THSD7B: variants seen among roughly 807,000 people sequenced by gnomAD.
THSD7B encodes thrombospondin type 1 domain containing 7B, also known as thrombospondin type-1 domain-containing protein 7B.
In THSD7B, 138 loss-of-function variants were observed where a neutral mutation model predicts 213.6. The ratio of observed to expected loss-of-function variants is 0.65; its 90% CI spans 0.56 to 0.74. THSD7B has a LOEUF of 0.74. THSD7B is among the 30% of genes least tolerant of loss of function. The pLI is 0.00. For synonymous variants in THSD7B, 742 were observed against 687.0 expected, an observed-to-expected ratio of 1.08 and a Z score of -1.25; for missense variants, 1,931 against 1,991.5, an observed-to-expected ratio of 0.97 and a Z score of 0.58.
At chr2:137,524,265 A>T (rs1473001819) in intron 15 of THSD7B, among the ~76,000 whole-genome samples, 1 of 152,094 alleles carries the variant, frequency 6.6e-6, no homozygotes, top group Non-Finnish European at 1.5e-5. Flanking sequence ...CTCCCCAAGC[A>T]AAGAGCTATT....
At chr2:136,832,407 C>T (rs1682772916) in intron 1 of THSD7B, among the ~76,000 whole-genome samples, 1 of 152,116 alleles carries the variant, frequency 6.6e-6, no homozygotes, top group African/African-American at 2.4e-5. Context: ...GATGTCCCAG[C>T]TTATGCATTC....
intron 2 of THSD7B, among the ~76,000 whole-genome samples, chr2:136,898,824 G>C (rs1388561006): frequency 6.6e-6 from 1 of 151,602 alleles, no homozygotes; most frequent in Non-Finnish European, 1.5e-5. Flanking sequence ...TGTAGTTTTG[G>C]TAGAGACAGG....
intron 15 of THSD7B, among the ~76,000 whole-genome samples, chr2:137,514,749 A>G (rs1680035167): frequency 6.6e-6 from 1 of 152,140 alleles, no homozygotes; most frequent in Admixed American, 6.5e-5. Flanking sequence ...CTTGGTGTGA[A>G]CTGTGTAGAG....
intron 20 of THSD7B, among the ~76,000 whole-genome samples, chr2:137,626,450 C>G (rs1193536698): frequency 7.7e-6 from 1 of 130,554 alleles, no homozygotes; most frequent in Admixed American, 8.4e-5. Context: ...GGCAAAAGAG[C>G]GAGACTCTGT....
chr2:137,065,039 C>T (rs545546710), intron 3 of THSD7B, among the ~76,000 whole-genome samples: 3 of 151,388 alleles, frequency 2.0e-5, no homozygotes, highest in Non-Finnish European at 2.9e-5. Context: ...ATTGTTTTTG[C>T]GATTTCTGTG....
chr2:137,362,414 C>G (rs559042336), intron 12 of THSD7B, among the ~76,000 whole-genome samples: 6 of 152,064 alleles, frequency 3.9e-5, no homozygotes, highest in African/African-American at 1.4e-4. Context: ...GGGCTAAATG[C>G]CCCAGTTAAA....
chr2:136,792,404 G>A (rs1193228018), intron 1 of THSD7B, among the ~76,000 whole-genome samples: 3 of 152,014 alleles, frequency 2.0e-5, no homozygotes, highest in African/African-American at 4.8e-5. Flanking sequence ...TATTCTTAGG[G>A]CAGTGTGACT....
At chr2:136,941,726 T>C (rs1014767300) in intron 2 of THSD7B, among the ~76,000 whole-genome samples, 4 of 152,208 alleles carry the variant, frequency 2.6e-5, no homozygotes, top group African/African-American at 9.6e-5. Flanking sequence ...GTTTAAGTTC[T>C]TTGTAGATTC....
At chr2:137,013,399 A>G (rs965479846) in intron 2 of THSD7B, among the ~76,000 whole-genome samples, 6 of 152,144 alleles carry the variant, frequency 3.9e-5, no homozygotes, top group Non-Finnish European at 8.8e-5. Context: ...GGCAAACTTC[A>G]TGAGTTGAGA....
intron 7 of THSD7B, among the ~76,000 whole-genome samples, chr2:137,204,336 C>T (rs777200482): frequency 3.9e-5 from 6 of 152,150 alleles, no homozygotes; most frequent in Admixed American, 1.3e-4. Flanking sequence ...GTTGAGAATG[C>T]GTAGTTATGG....
At chr2:137,202,275 G>A (rs1680893912) in intron 7 of THSD7B, among the ~76,000 whole-genome samples, 1 of 152,080 alleles carries the variant, frequency 6.6e-6, no homozygotes, top group South Asian at 2.1e-4. Context: ...TTGTGAATGT[G>A]ATCTTAAAAA....
At chr2:137,652,857 C>T (rs1447574499) in intron 21 of THSD7B, among the ~76,000 whole-genome samples, 4 of 152,062 alleles carry the variant, frequency 2.6e-5, no homozygotes, top group African/African-American at 9.7e-5. Flanking sequence ...ACTTTGCCCC[C>T]GACATTTTGA....
At chr2:137,218,979 T>C (rs1036396) in intron 7 of THSD7B, among the ~76,000 whole-genome samples, 90,269 of 151,334 alleles carry the variant, frequency 0.6, 27,324 homozygotes, top group South Asian at 0.71. Flanking sequence ...CAACTGAGTT[T>C]GTGAAAAAAA....
chr2:137,597,445 AAAAC>A (rs2104819474), intron 17 of THSD7B, among the ~76,000 whole-genome samples: 1 of 149,344 alleles, frequency 6.7e-6, no homozygotes, highest in East Asian at 2.0e-4. Context: ...GGGCAAAAGA[AAAAC>A]AAAACCAAAA....
At chr2:137,190,831 G>A (rs890949674) in intron 7 of THSD7B, among the ~76,000 whole-genome samples, 4 of 152,294 alleles carry the variant, frequency 2.6e-5, no homozygotes, top group African/African-American at 7.2e-5. Context: ...GAGAGTTGAT[G>A]GGGTGTGCTC....
chr2:136,849,148 C>T (rs1325107941), intron 1 of THSD7B, among the ~76,000 whole-genome samples: 1 of 152,144 alleles, frequency 6.6e-6, no homozygotes, highest in Non-Finnish European at 1.5e-5. Context: ...ACCACTGATA[C>T]ATCTGGTTTC....
intron 13 of THSD7B, among the ~76,000 whole-genome samples, chr2:137,410,458 G>T (rs1021120075): frequency 2.0e-5 from 3 of 151,946 alleles, no homozygotes; most frequent in Non-Finnish European, 4.4e-5. Context: ...TAGCAGAGAT[G>T]GGGTTTCACT....
At chr2:137,310,471 G>A (rs1168598327) in intron 12 of THSD7B, among the ~76,000 whole-genome samples, 3 of 148,334 alleles carry the variant, frequency 2.0e-5, no homozygotes, top group Admixed American at 6.7e-5. Context: ...TCACTCTGAT[G>A]GTAGTTTCTT....
chr2:136,873,142 A>G (rs1195662757), intron 1 of THSD7B, among the ~76,000 whole-genome samples: 1 of 150,996 alleles, frequency 6.6e-6, no homozygotes, highest in East Asian at 2.0e-4. Context: ...CCCTCTTTTT[A>G]TCTGTTATGT....
Sources: allele counts gnomAD v4.1 joint callset (sites outside exome capture counted in the v4.1 genomes callset), GRCh38; gene constraint gnomAD v4.1.1; transcripts MANE v1.5; gene names NCBI Gene and HGNC (gene_info 2026-07-23, HGNC 2026-07-21).